The following SLCO1C1 variants were observed in gnomAD, a reference collection of about 807,000 sequenced individuals.
SLCO1C1 encodes the protein OAT-RP-5.
A neutral mutation model predicts 76.4 loss-of-function variants in SLCO1C1; 70 were observed. That is an observed-to-expected ratio of 0.92 (90% confidence interval 0.76 to 1.12). The LOEUF (loss-of-function observed/expected upper bound fraction) is 1.12. Among genes scored for constraint, SLCO1C1 ranks in the 50% most tolerant of loss-of-function variants. The pLI, the probability that SLCO1C1 is intolerant of heterozygous loss-of-function variation, is 0.00. For synonymous variants in SLCO1C1, 306 were observed against 286.1 expected, an observed-to-expected ratio of 1.07 and a Z score of -0.70; for missense variants, 912 against 823.8, an observed-to-expected ratio of 1.11 and a Z score of -1.31.
chr12:20,701,429 G>T lies in SLCO1C1; in HGVS notation c.241G>T (p.Val81Leu). 6.5e-7 allele frequency: 1 copy of T among 1,537,560 alleles called. No homozygotes were observed. Among genetic ancestry groups the T allele is most frequent in the Non-Finnish European group, 8.9e-7 (1 of 1,126,522 alleles). ...ERRFDIPSSL[V>L]GVIDGSFEIG... ...AAGGTTTGATATCCCTTCTTCACTGGTGGGAGTTATTGATGGTAGTTTTGA... is the reference window on the plus strand; with the variant it reads ...AAGGTTTGATATCCCTTCTTCACTGTTGGGAGTTATTGATGGTAGTTTTGA... Residue 81 changes from valine to leucine, a missense_variant, in exon 3 of 15, where the codon GTG (valine) becomes TTG (leucine). Physicochemically the swap from Val to Leu is conservative, Grantham distance 32. Coordinates refer to ENST00000266509, the MANE Select transcript of SLCO1C1 (RefSeq NM_017435.5).
In SLCO1C1 at chr12:20,742,971, A is replaced by T. The variant is rs73246886; in HGVS notation, c.1734-334A>T. ...GGCTATTAATTCTTTATTGTTGCTT[A>T]AAAATTCTAACAATTTCTTAGGAAT... On this transcript the variant is annotated intron_variant, in intron 12 of 14. Transcript: ENST00000266509. Among the ~76,000 whole-genome samples the T allele has an allele frequency of 6.9e-3, 1,049 of 152,312 alleles. 14 individuals are homozygous for T. The highest frequency in any genetic ancestry group is 0.024 in the African/African-American group (1,000 of 41,560).
intron 3 of SLCO1C1, among the ~76,000 whole-genome samples, 194 bp from the exon 4 acceptor site, chr12:20,705,755 G>A (rs1277561098): frequency 6.6e-6 from 1 of 151,910 alleles, no homozygotes; most frequent in Non-Finnish European, 1.5e-5. Flanking sequence ...TTTCGATAAA[G>A]GGATAAGGTG....
At chr12:20,710,947 T>C (rs1190637127) in intron 4 of SLCO1C1, among the ~76,000 whole-genome samples, 1 of 152,144 alleles carries the variant, frequency 6.6e-6, no homozygotes, top group African/African-American at 2.4e-5. Context: ...CTGTCATTAA[T>C]TGACTGGCCC....
intron 3 of SLCO1C1, among the ~76,000 whole-genome samples, chr12:20,705,243 T>A (rs774580856): frequency 1.3e-5 from 2 of 151,960 alleles, no homozygotes; most frequent in Non-Finnish European, 2.9e-5. Flanking sequence ...AAACCCAATA[T>A]TTTTAAACCA....
chr12:20,752,207 A>C (rs1345432807), intron 14 of SLCO1C1, 99 bp from the exon 15 acceptor site: 1 of 764,388 alleles, frequency 1.3e-6, no homozygotes, highest in Non-Finnish European at 2.0e-6. Context: ...CCAAATCTAC[A>C]TTCTTAAAGA....
At chr12:20,704,242 G>GAT (rs143641721) in intron 3 of SLCO1C1, among the ~76,000 whole-genome samples, 1,624 of 150,380 alleles carry the variant, frequency 0.011, 27 homozygotes, top group South Asian at 0.046. Context: ...ATGGTATATA[G>GAT]ATATATATAT....
chr12:20,745,657 T>G (rs1232667852), intron 13 of SLCO1C1, among the ~76,000 whole-genome samples: 2 of 151,868 alleles, frequency 1.3e-5, no homozygotes, highest in Admixed American at 6.6e-5. Context: ...AAACCCCATC[T>G]CTACTAAAAA....
At position 20,743,335 on chromosome 12, in the gene SLCO1C1, C is replaced by T; in HGVS notation, c.1764C>T (p.Ala588=). Residue 588 remains alanine (A), a synonymous_variant, in exon 13 of 15, where the codon GCC becomes GCT. Coordinates refer to ENST00000266509, the MANE Select transcript of SLCO1C1 (RefSeq NM_017435.5). ...TTAAGCCACAGCTTAAGTCTTTTGC[C>T]TTGGGTATCTACACATTAGCAATAA... ...RCIKPQLKSF[A]LGIYTLAIRV... 6.2e-7 allele frequency: 1 copy of T among 1,612,682 alleles called. No homozygotes were observed.
rs1565540576 is a variant in SLCO1C1 at position 20,740,184 on chromosome 12, A to T, written c.1549A>T (p.Ile517Leu). ...QTSNRSGKNI[I>L]FYNCTCVGIA... ...TGGACTTTTCCCTATCGTGTTACAGATATTTTACAACTGCACTTGTGTGGG... is the reference window on the plus strand; with the variant it reads ...TGGACTTTTCCCTATCGTGTTACAGTTATTTTACAACTGCACTTGTGTGGG... Residue 517 changes from isoleucine (I) to leucine (L), a missense_variant and splice_region_variant, in exon 12 of 15, where the codon ATA becomes TTA. Physicochemically the swap from Ile to Leu is conservative, Grantham distance 5. Transcript: ENST00000266509. 1 of 1,608,218 alleles carries T rather than the reference A, an allele frequency of 6.2e-7. No individual in the cohort carries two copies. The highest frequency in any genetic ancestry group is 8.5e-7 in the Non-Finnish European group (1 of 1,178,180).
rs1194678714 is a variant in SLCO1C1, at chr12:20,722,050, G to A, written c.1021+1G>A. On this transcript the variant is annotated splice_donor_variant, in intron 8 of 14. Transcript: ENST00000266509. LOFTEE classifies it high-confidence loss of function. Reference sequence around the variant, plus strand: ...GCAAAAATAATGGAAATGGCAAGAGGTAAGTCAAATTCTTGATTTTGAAGT... The same window carrying A: ...GCAAAAATAATGGAAATGGCAAGAGATAAGTCAAATTCTTGATTTTGAAGT... 5 of 1,610,812 alleles carry A rather than the reference G, an allele frequency of 3.1e-6. No homozygotes were observed. The highest frequency in any genetic ancestry group is 4.2e-6 in the Non-Finnish European group (5 of 1,178,704).
At chr12:20,745,644 G>T (rs772227489) in intron 13 of SLCO1C1, among the ~76,000 whole-genome samples, 1 of 151,884 alleles carries the variant, frequency 6.6e-6, no homozygotes, top group African/African-American at 2.4e-5. Context: ...GCCCAACATG[G>T]TGAAACCCCA....
At position 20,737,128 on chromosome 12, in the gene SLCO1C1, T is replaced by C. The variant is rs751306575; in HGVS notation, c.1404T>C (p.His468=). The change falls in exon 11 of 15, where the codon CAT becomes CAC. Residue 468 remains histidine (H), a synonymous_variant. Transcript: ENST00000266509. The part of the protein sequence containing the change: ...SYQGTKPVSY[H]ERALFSDCNS... ...TCAGAACCAAACCTGTCTCTTATCA[T>C]GAACGAGCTCTCTTTTCAGATTGCA... is the stretch of plus-strand genomic sequence containing the variant. 31 of 1,535,146 alleles carry C rather than the reference T, an allele frequency of 2.0e-5. No homozygotes were observed. Among genetic ancestry groups the C allele is most frequent in the Non-Finnish European group, 2.5e-5 (29 of 1,149,614 alleles).
chr12:20,696,289 T>C (rs138713088), intron 1 of SLCO1C1, among the ~76,000 whole-genome samples: 107 of 152,198 alleles, frequency 7.0e-4, no homozygotes, highest in African/African-American at 2.5e-3. Context: ...CATCCTGGTG[T>C]CCAGAAGTCA....
intron 10 of SLCO1C1, 125 bp from the exon 11 acceptor site, chr12:20,736,982 G>T: frequency 1.5e-6 from 1 of 683,670 alleles, no homozygotes; most frequent in Non-Finnish European, 2.2e-6. Flanking sequence ...GATGACAACT[G>T]TGTTTCTAAA....
At chr12:20,740,126 T>C in intron 11 of SLCO1C1, 58 bp from the exon 12 acceptor site, 2 of 1,451,618 alleles carry the variant, frequency 1.4e-6, no homozygotes, top group Non-Finnish European at 1.9e-6. Context: ...AACATAACTG[T>C]CTTTAACTTT....
At chr12:20,724,439 A>T (rs1221471697) in intron 9 of SLCO1C1, among the ~76,000 whole-genome samples, 3 of 116,042 alleles carry the variant, frequency 2.6e-5, no homozygotes, top group African/African-American at 3.7e-5. Context: ...ATATATATAT[A>T]TATATATATA....
At chr12:20,708,781 C>A (rs1035850444) in intron 4 of SLCO1C1, among the ~76,000 whole-genome samples, 7 of 152,092 alleles carry the variant, frequency 4.6e-5, no homozygotes, top group Admixed American at 3.9e-4. Context: ...AATATGTCAA[C>A]GTTGTTTCTC....
At chr12:20,724,429 ATATATATAT>A (rs1947843636) in intron 9 of SLCO1C1, among the ~76,000 whole-genome samples, 2 of 122,750 alleles carry the variant, frequency 1.6e-5, no homozygotes, top group South Asian at 4.8e-4. Flanking sequence ...ATATATATAT[ATATATATAT>A]ATATATATAT....
rs775140344 is a variant in SLCO1C1 at position 20,733,081 on chromosome 12, A to G, written c.1359A>G (p.Ala453=). Residue 453 remains alanine (A), a synonymous_variant, in exon 10 of 15, where the codon GCA becomes GCG. Coordinates refer to ENST00000266509, the MANE Select transcript of SLCO1C1 (RefSeq NM_017435.5). ...FALGCENSDV[A]GLTVSYQGTK... ...TGGGCTGTGAAAATTCTGATGTGGC[A>G]GGACTAACTGTCTCCTACCAAGGGT... 3.1e-6 allele frequency: 5 copies of G among 1,599,240 alleles called. No individual in the cohort carries two copies. Among genetic ancestry groups the G allele is most frequent in the South Asian group, 1.1e-5 (1 of 87,878 alleles).
Sources: gnomAD v4.1 joint callset for allele counts (sites outside exome capture counted in the v4.1 genomes callset) on GRCh38, gnomAD v4.1.1 for gene constraint, MANE v1.5 for transcripts, NCBI Gene and HGNC (gene_info 2026-07-23, HGNC 2026-07-21) for gene names.